CCDC91: variants seen among roughly 807,000 people sequenced by gnomAD.
CCDC91 encodes the protein coiled-coil domain-containing protein 91.
Under a neutral mutation model 63.2 loss-of-function variants are expected in CCDC91, and 48 were observed. That is an observed-to-expected ratio of 0.76 (90% CI 0.60 to 0.97). The LOEUF (loss-of-function observed/expected upper bound fraction) is 0.97, where lower values mean the gene tolerates loss of function less well. CCDC91 is among the 50% of genes least tolerant of loss of function. The pLI, the probability that CCDC91 is intolerant of heterozygous loss-of-function variation, is 0.00. For missense variants in CCDC91, 500 were observed against 494.6 expected, an observed-to-expected ratio of 1.01 and a Z score of -0.10; for synonymous variants, 167 against 165.8, an observed-to-expected ratio of 1.01 and a Z score of -0.06.
chr12:28,318,072 ACT>A (rs554150666), intron 6 of CCDC91, among the ~76,000 whole-genome samples: 124 of 151,976 alleles, frequency 8.2e-4, no homozygotes, highest in Middle Eastern at 6.8e-3. Flanking sequence ...AATAGCTTTA[ACT>A]CTTTTTTTAT....
At chr12:28,343,386 G>A (rs146579937) in intron 6 of CCDC91, among the ~76,000 whole-genome samples, 2 of 152,104 alleles carry the variant, frequency 1.3e-5, no homozygotes, top group East Asian at 3.9e-4. Flanking sequence ...AGTAGAAGGA[G>A]GAGCTTGAGG....
intron 6 of CCDC91, among the ~76,000 whole-genome samples, chr12:28,337,574 TATC>T (rs1303024516): frequency 6.6e-6 from 1 of 152,058 alleles, no homozygotes; most frequent in Non-Finnish European, 1.5e-5. Flanking sequence ...GAAGAGGAAT[TATC>T]ATAGGATGGA....
At chr12:28,532,118 G>C (rs770622049) in intron 12 of CCDC91, among the ~76,000 whole-genome samples, 6 of 152,082 alleles carry the variant, frequency 3.9e-5, no homozygotes, top group Non-Finnish European at 8.8e-5. Flanking sequence ...ATATACAAAA[G>C]CCTGACTGAT....
intron 12 of CCDC91, among the ~76,000 whole-genome samples, chr12:28,511,994 TAAAAAC>T (rs1473054171): frequency 6.6e-6 from 1 of 151,894 alleles, no homozygotes; most frequent in African/African-American, 2.4e-5. Context: ...TGAATCTCAT[TAAAAAC>T]ACACATGTAT....
At chr12:28,350,866 T>G (rs1472672239) in intron 6 of CCDC91, among the ~76,000 whole-genome samples, 3 of 152,176 alleles carry the variant, frequency 2.0e-5, no homozygotes, top group Admixed American at 2.0e-4. Flanking sequence ...TATAAGGGAA[T>G]CAGTCATTGA....
At chr12:28,359,962 C>T (rs558334363) in intron 6 of CCDC91, among the ~76,000 whole-genome samples, 6 of 152,152 alleles carry the variant, frequency 3.9e-5, no homozygotes, top group Non-Finnish European at 8.8e-5. Flanking sequence ...CATTTGTTTG[C>T]TTGTTTATAG....
At chr12:28,213,533 A>G (rs1392333114) in intron 1 of CCDC91, among the ~76,000 whole-genome samples, 5 of 152,212 alleles carry the variant, frequency 3.3e-5, no homozygotes, top group Admixed American at 3.3e-4. Flanking sequence ...GGAATTATAA[A>G]AGGCTCTAAC....
chr12:28,511,038 G>C (rs1939318308), intron 12 of CCDC91, among the ~76,000 whole-genome samples: 1 of 151,922 alleles, frequency 6.6e-6, no homozygotes, highest in South Asian at 2.1e-4. Context: ...AGGTCGACAT[G>C]TGTACTTCAT....
At chr12:28,503,478 C>T (rs1404862583) in intron 12 of CCDC91, among the ~76,000 whole-genome samples, 1 of 152,186 alleles carries the variant, frequency 6.6e-6, no homozygotes, top group African/African-American at 2.4e-5. Context: ...CACTTTTACA[C>T]TGTTGGTGGG....
intron 12 of CCDC91, among the ~76,000 whole-genome samples, chr12:28,505,707 A>G (rs945428565): frequency 2.6e-5 from 4 of 151,970 alleles, no homozygotes; most frequent in Non-Finnish European, 5.9e-5. Flanking sequence ...AAGACACAGA[A>G]GTGAAGCCAA....
chr12:28,249,434 G>A (rs1450763009), intron 1 of CCDC91, among the ~76,000 whole-genome samples: 1 of 152,106 alleles, frequency 6.6e-6, no homozygotes, highest in African/African-American at 2.4e-5. Flanking sequence ...CCTGGCTTGG[G>A]CCTAAATCTG....
chr12:28,512,169 T>C (rs1436451598), intron 12 of CCDC91, among the ~76,000 whole-genome samples: 1 of 151,884 alleles, frequency 6.6e-6, no homozygotes, highest in African/African-American at 2.4e-5. Flanking sequence ...CAGTGTATTT[T>C]CCTACCTTGT....
rs1292815452 is a variant in CCDC91, at chr12:28,387,488, A to C, written c.655-3816A>C. Among the ~76,000 whole-genome samples the C allele has an allele frequency of 7.2e-5, 11 of 152,186 alleles. 1 individual carries two copies. Among genetic ancestry groups the C allele is most frequent in the Admixed American group, 6.5e-4 (10 of 15,278 alleles). On this transcript the variant is annotated intron_variant, in intron 7 of 12. Coordinates refer to ENST00000536442, the MANE Select transcript of CCDC91 (RefSeq NM_018318.5). ...TTTGTGAGATTTTGGTGCATCCATC[A>C]TCTGAGCAGTATGCACTGAACCCAA...
intron 8 of CCDC91, among the ~76,000 whole-genome samples, chr12:28,447,795 G>A (rs1442896808): frequency 1.0e-4 from 3 of 28,776 alleles, no homozygotes; most frequent in African/African-American, 3.5e-4. Context: ...GGGGAGGGGA[G>A]GGGAGGGGAG....
chr12:28,452,575 A>G lies in CCDC91; in HGVS notation c.1022A>G (p.Lys341Arg). The G allele has an allele frequency of 6.3e-7, 1 of 1,591,664 alleles. No individual in the cohort carries two copies. The highest frequency in any genetic ancestry group is 1.4e-5 in the African/African-American group (1 of 73,606). The change falls in exon 11 of 13, where the codon AAG (lysine) becomes AGG (arginine). Residue 341 changes from lysine (K) to arginine (R), a missense_variant. Transcript: ENST00000536442. Reference sequence around the variant, plus strand: ...CATGCTGAAGAAAGGGAATTATGGAAGACAGAACATGCAAAAGATCAAGAA... The same window carrying G: ...CATGCTGAAGAAAGGGAATTATGGAGGACAGAACATGCAAAAGATCAAGAA... ...KAHAEERELWKTEHAKDQEKV... is the reference protein window; with the variant it reads ...KAHAEERELWRTEHAKDQEKV...
intron 7 of CCDC91, among the ~76,000 whole-genome samples, chr12:28,384,127 G>GTC (rs1262240021): frequency 2.0e-5 from 3 of 149,304 alleles, no homozygotes; most frequent in African/African-American, 7.7e-5. Context: ...CATTTTCATA[G>GTC]TCTTTTTTTA....
intron 1 of CCDC91, among the ~76,000 whole-genome samples, chr12:28,226,833 A>C (rs929463633): frequency 1.2e-4 from 18 of 152,028 alleles, no homozygotes; most frequent in African/African-American, 4.1e-4. Flanking sequence ...CTTAAACTTT[A>C]CTTGTTTTTG....
chr12:28,280,974 C>A (rs1948572518), intron 3 of CCDC91, among the ~76,000 whole-genome samples: 1 of 151,524 alleles, frequency 6.6e-6, no homozygotes, highest in South Asian at 2.3e-4. Flanking sequence ...GAGATTCTGT[C>A]TAAAAAAATA....
intron 3 of CCDC91, among the ~76,000 whole-genome samples, chr12:28,266,617 T>A (rs1183058941): frequency 6.6e-6 from 1 of 152,002 alleles, no homozygotes; most frequent in Non-Finnish European, 1.5e-5. Context: ...AACAATCAAT[T>A]ACTGTTCACA....
Sources: allele counts gnomAD v4.1 joint callset (sites outside exome capture counted in the v4.1 genomes callset), GRCh38; gene constraint gnomAD v4.1.1; transcripts MANE v1.5; gene names NCBI Gene and HGNC (gene_info 2026-07-23, HGNC 2026-07-21).